The following UNC13C variants were observed in gnomAD, a reference collection of about 807,000 sequenced individuals.
UNC13C encodes the protein unc-13 homolog C.
A neutral mutation model predicts 245.4 loss-of-function variants in UNC13C; 174 were observed. That is an observed-to-expected ratio of 0.71 (90% CI 0.63 to 0.80). The LOEUF (loss-of-function observed/expected upper bound fraction) is 0.80. UNC13C is among the 30% of genes least tolerant of loss of function. The pLI, the probability that UNC13C is intolerant of heterozygous loss-of-function variation, is 0.00. For synonymous variants in UNC13C, 992 were observed against 895.1 expected (o/e 1.11, Z -1.93); for missense variants, 2,829 against 2,602.9 (o/e 1.09, Z -1.89).
the UNC13C span, among the ~76,000 whole-genome samples, chr15:53,928,802 A>G: frequency 6.6e-6 from 1 of 152,194 alleles, no homozygotes; most frequent in Non-Finnish European, 1.5e-5. Flanking sequence ...CACCCACTGT[A>G]TAAGTGATCT....
chr15:54,565,604 A>C (rs1897477536), intron 29 of UNC13C, among the ~76,000 whole-genome samples: 1 of 152,050 alleles, frequency 6.6e-6, no homozygotes, highest in African/African-American at 2.4e-5. Flanking sequence ...ACCAGGTAAG[A>C]TGTTACTACT....
intron 2 of UNC13C, among the ~76,000 whole-genome samples, chr15:54,093,514 T>G (rs1332558947): frequency 6.6e-6 from 1 of 152,268 alleles, no homozygotes; most frequent in African/African-American, 2.4e-5. Context: ...TGTTGCTTTC[T>G]TGAGCAGTTT....
intron 19 of UNC13C, among the ~76,000 whole-genome samples, chr15:54,434,360 A>G (rs538950405): frequency 7.9e-5 from 12 of 152,160 alleles, no homozygotes; most frequent in Non-Finnish European, 1.8e-4. Context: ...TAGTAACCAA[A>G]CAGCATGGTA....
the UNC13C span, among the ~76,000 whole-genome samples, chr15:53,905,243 A>G: frequency 6.6e-6 from 1 of 152,194 alleles, no homozygotes; most frequent in African/African-American, 2.4e-5. Context: ...TCACAGAGCT[A>G]TCTCTACTCT....
chr15:54,008,567 A>G (rs918766919), intron 1 of UNC13C, among the ~76,000 whole-genome samples: 1 of 152,242 alleles, frequency 6.6e-6, no homozygotes, highest in African/African-American at 2.4e-5. Flanking sequence ...TTATTTAACT[A>G]AAGTTAAAAT....
chr15:53,915,931 A>G, the UNC13C span, among the ~76,000 whole-genome samples: 1 of 152,206 alleles, frequency 6.6e-6, no homozygotes, highest in African/African-American at 2.4e-5. Flanking sequence ...ATTGCTCTTT[A>G]GGTTCCTTGT....
intron 1 of UNC13C, among the ~76,000 whole-genome samples, chr15:54,006,783 TC>T (rs1004859125): frequency 6.6e-6 from 1 of 152,232 alleles, no homozygotes; most frequent in African/African-American, 2.4e-5. Flanking sequence ...TTGTGGCTCC[TC>T]ACACGCTATT....
At chr15:54,016,997 A>T (rs1201278443) in intron 2 of UNC13C, among the ~76,000 whole-genome samples, 1 of 152,218 alleles carries the variant, frequency 6.6e-6, no homozygotes, top group Admixed American at 6.6e-5. Flanking sequence ...GCTGTGATCA[A>T]ACTCCCCTAA....
intron 4 of UNC13C, among the ~76,000 whole-genome samples, chr15:54,187,109 TTTA>T (rs2034018510): frequency 1.3e-5 from 2 of 152,006 alleles, no homozygotes; most frequent in Admixed American, 6.6e-5. Context: ...TGGCATCAAT[TTTA>T]CACATAAAAG....
At chr15:54,389,386 A>G (rs1341775983) in intron 17 of UNC13C, among the ~76,000 whole-genome samples, 1 of 152,256 alleles carries the variant, frequency 6.6e-6, no homozygotes, top group Admixed American at 6.5e-5. Flanking sequence ...ATCAGGAACC[A>G]TGGGTCCCAG....
At chr15:54,511,265 G>T (rs1378996649) in intron 23 of UNC13C, among the ~76,000 whole-genome samples, 1 of 152,112 alleles carries the variant, frequency 6.6e-6, no homozygotes, top group Non-Finnish European at 1.5e-5. Context: ...ACAGGTTAAA[G>T]CCAGAAGAAA....
At chr15:53,940,841 A>G in the UNC13C span, among the ~76,000 whole-genome samples, 3 of 152,260 alleles carry the variant, frequency 2.0e-5, no homozygotes, top group Admixed American at 1.3e-4. Flanking sequence ...AAAACATTCC[A>G]TGCTCATGTA....
intron 4 of UNC13C, among the ~76,000 whole-genome samples, chr15:54,150,682 C>T (rs1248786902): frequency 2.6e-5 from 4 of 152,104 alleles, no homozygotes; most frequent in African/African-American, 9.7e-5. Context: ...GTCATAAGAT[C>T]ATTAGGTTAG....
At chr15:54,008,323 G>A (rs1258289073) in intron 1 of UNC13C, among the ~76,000 whole-genome samples, 2 of 152,120 alleles carry the variant, frequency 1.3e-5, no homozygotes, top group Non-Finnish European at 2.9e-5. Context: ...TAAAGCTTGA[G>A]TCACTTTATC....
chr15:54,080,576 C>A (rs1898888260), intron 2 of UNC13C, among the ~76,000 whole-genome samples: 1 of 151,892 alleles, frequency 6.6e-6, no homozygotes, highest in African/African-American at 2.4e-5. Context: ...GGAATTTATC[C>A]ATTTCCTCTT....
At chr15:54,612,203 G>A (rs1413062137) in intron 30 of UNC13C, among the ~76,000 whole-genome samples, 4 of 151,874 alleles carry the variant, frequency 2.6e-5, no homozygotes, top group East Asian at 1.9e-4. Flanking sequence ...TAGTGGACTC[G>A]AGTAGTTATA....
intron 4 of UNC13C, among the ~76,000 whole-genome samples, chr15:54,176,704 A>G (rs1210309212): frequency 6.6e-6 from 1 of 152,160 alleles, no homozygotes; most frequent in African/African-American, 2.4e-5. Flanking sequence ...TAAATTTAAT[A>G]ATATCAAATA....
intron 30 of UNC13C, among the ~76,000 whole-genome samples, chr15:54,588,364 A>G (rs1898596627): frequency 6.6e-6 from 1 of 152,232 alleles, no homozygotes; most frequent in African/African-American, 2.4e-5. Context: ...AATTTAACTT[A>G]TCTATGTCTC....
chr15:54,538,780 G>A (rs1355277171), intron 26 of UNC13C, among the ~76,000 whole-genome samples: 1 of 152,018 alleles, frequency 6.6e-6, no homozygotes, highest in African/African-American at 2.4e-5. Context: ...TCACTTATAA[G>A]TGAGAGCTAA....
Sources: allele counts gnomAD v4.1 joint callset (sites outside exome capture counted in the v4.1 genomes callset), GRCh38; gene constraint gnomAD v4.1.1; transcripts MANE v1.5; gene names NCBI Gene and HGNC (gene_info 2026-07-23, HGNC 2026-07-21).